LOC122455342: variants seen among roughly 807,000 people sequenced by gnomAD.
the LOC122455342 span, chr17:76,568,990 A>G: frequency 2.4e-6 from 1 of 416,792 alleles, no homozygotes; most frequent in Non-Finnish European, 4.4e-6. Flanking sequence ...CTTCCCGCTC[A>G]CCAGGACCTC....
the LOC122455342 span, chr17:76,568,799 A>G: frequency 6.2e-7 from 1 of 1,613,058 alleles, no homozygotes; most frequent in East Asian, 2.2e-5. Flanking sequence ...CGTGCGGCCT[A>G]GGACCCATGA....
chr17:76,569,499 A>G, the LOC122455342 span: 1 of 75,686 alleles, frequency 1.3e-5, no homozygotes, highest in African/African-American at 2.5e-4. Context: ...TTGGGGTGGG[A>G]GGGTGGGAGG....
the LOC122455342 span, chr17:76,568,853 A>G: frequency 5.7e-6 from 9 of 1,570,706 alleles, no homozygotes; most frequent in African/African-American, 1.2e-4. Context: ...TGCAAGGGGG[A>G]GATGGAGGGG....
At chr17:76,569,585 TGGAACG>T in the LOC122455342 span, 1 of 388,440 alleles carries the variant, frequency 2.6e-6, no homozygotes, top group African/African-American at 2.2e-5. Context: ...ACAATGTTGT[TGGAACG>T]GGACTGGGAG....
At chr17:76,568,961 CG>C in the LOC122455342 span, 7 of 619,990 alleles carry the variant, frequency 1.1e-5, no homozygotes, top group East Asian at 1.7e-4. Context: ...GCAGGCAGTA[CG>C]TTGGGGACCA....
At chr17:76,568,817 G>A in the LOC122455342 span, 2 of 1,611,976 alleles carry the variant, frequency 1.2e-6, no homozygotes, top group Non-Finnish European at 1.7e-6. Context: ...TGATAGAAGT[G>A]GACAGAGCGC....
At chr17:76,568,874 C>A in the LOC122455342 span, 14 of 1,434,384 alleles carry the variant, frequency 9.8e-6, no homozygotes, top group African/African-American at 1.1e-4. Flanking sequence ...AGGGTCAGGG[C>A]GCCGGAGTAG....
At chr17:76,569,516 G>A in the LOC122455342 span, 5 of 387,278 alleles carry the variant, frequency 1.3e-5, no homozygotes, top group Admixed American at 1.4e-4. Flanking sequence ...GAGGGGGGCC[G>A]GGAGGAAGAG....
chr17:76,568,856 TGGAG>T, the LOC122455342 span: 10 of 1,563,218 alleles, frequency 6.4e-6, no homozygotes, highest in African/African-American at 1.4e-4. Context: ...AAGGGGGAGA[TGGAG>T]GGGAGGGTCA....
chr17:76,569,500 G>A, the LOC122455342 span: 1 of 198,624 alleles, frequency 5.0e-6, no homozygotes. Context: ...TGGGGTGGGA[G>A]GGTGGGAGGG....
At chr17:76,569,577 AAT>A in the LOC122455342 span, 1 of 393,092 alleles carries the variant, frequency 2.5e-6, no homozygotes, top group East Asian at 3.6e-5. Context: ...GAGGGGTGAC[AAT>A]GTTGTTGGAA....
chr17:76,568,968 G>T, the LOC122455342 span: 1 of 611,158 alleles, frequency 1.6e-6, no homozygotes, highest in Non-Finnish European at 2.9e-6. Context: ...GTACGTTGGG[G>T]ACCACGTGCG....
At chr17:76,568,913 G>T in the LOC122455342 span, 1 of 908,882 alleles carries the variant, frequency 1.1e-6, no homozygotes, top group Non-Finnish European at 1.8e-6. Flanking sequence ...TAGGAGCGGG[G>T]CTGGGAGTAG....
chr17:76,568,962 G>C, the LOC122455342 span: 1 of 625,632 alleles, frequency 1.6e-6, no homozygotes, highest in Non-Finnish European at 2.8e-6. Flanking sequence ...CAGGCAGTAC[G>C]TTGGGGACCA....
chr17:76,569,435 G>A, the LOC122455342 span: 2 of 384,810 alleles, frequency 5.2e-6, no homozygotes, highest in Non-Finnish European at 9.1e-6. Flanking sequence ...GGCACGTGTT[G>A]GACCTGAGGA....
At chr17:76,568,896 T>C in the LOC122455342 span, 2 of 1,149,232 alleles carry the variant, frequency 1.7e-6, no homozygotes, top group Admixed American at 3.6e-5. Context: ...CGCGGTACCC[T>C]GAGCGGTAGG....
chr17:76,569,625 A>G, the LOC122455342 span: 3 of 396,026 alleles, frequency 7.6e-6, no homozygotes, highest in Non-Finnish European at 1.3e-5. Context: ...GGGATGGATT[A>G]GGGGTGTGGG....
chr17:76,569,092 G>A, the LOC122455342 span: 2 of 203,898 alleles, frequency 9.8e-6, no homozygotes, highest in Middle Eastern at 1.4e-3. Context: ...GTGGGGGGGC[G>A]GGGGAAGGAG....
chr17:76,568,864 A>G, the LOC122455342 span: 1 of 1,535,078 alleles, frequency 6.5e-7, no homozygotes. Flanking sequence ...GATGGAGGGG[A>G]GGGTCAGGGC....
Sources: allele counts gnomAD v4.1 joint callset, GRCh38; gene constraint gnomAD v4.1.1; transcripts MANE v1.5.